HUNK: variants seen among roughly 807,000 people sequenced by gnomAD.
The protein encoded by HUNK is hormonally up-regulated Neu-associated kinase, also known as hormonally up-regulated neu tumor-associated kinase.
In HUNK, 21 loss-of-function variants were observed where a neutral mutation model predicts 61.0. The ratio of observed to expected loss-of-function variants is 0.34; its 90% CI spans 0.24 to 0.50. The LOEUF (loss-of-function observed/expected upper bound fraction) is 0.50, where lower values mean the gene tolerates loss of function less well. Among genes scored for constraint, HUNK ranks in the 20% least tolerant of loss-of-function variants. The pLI is 0.98. For missense variants in HUNK, 772 were observed against 945.7 expected (o/e 0.82, Z 2.41); for synonymous variants, 371 against 386.1 (o/e 0.96, Z 0.46).
At position 31,970,238 on chromosome 21, in the gene HUNK, A is replaced by C. The variant is rs1476217788; in HGVS notation, c.1010+1853A>C. On this transcript the variant is annotated intron_variant, in intron 6 of 10. Transcript: ENST00000270112. ...ATGGCCAGGCAGGGCTCTGCTTGGG[A>C]TGGAAGCTCTAGAAAAACTTTAAAG... 3.9e-5 allele frequency among the ~76,000 whole-genome samples: 6 copies of C among 152,180 alleles called. No homozygotes were observed. The East Asian group carries it at 1.2e-3, about 29-fold the overall frequency.
rs976179636 is a variant in HUNK at position 32,000,882 on chromosome 21, C to G, written c.*1698C>G. 6.3e-5 allele frequency: 25 copies of G among 397,454 alleles called. No individual in the cohort carries two copies. The East Asian group carries it at 8.9e-4, about 14-fold the overall frequency. 24.6% of individuals were successfully genotyped at this position (397,454 alleles called of 1,614,324 possible). On this transcript the variant is annotated 3_prime_UTR_variant, in exon 11 of 11. Coordinates refer to ENST00000270112, the MANE Select transcript of HUNK (RefSeq NM_014586.2). The stretch of plus-strand genomic sequence containing the variant: ...CTGTTTCTTCCCTAGGGGATCACCA[C>G]GGCTCTAGGGCATTCTAGGATGAGG...
intron 4 of HUNK, among the ~76,000 whole-genome samples, chr21:31,948,172 C>G (rs1049578741): frequency 4.6e-5 from 7 of 152,218 alleles, no homozygotes; most frequent in African/African-American, 1.7e-4. Flanking sequence ...CAAGATACAG[C>G]CCCAGCTCTC....
At chr21:31,931,161 T>C (rs1225208064) in intron 2 of HUNK, among the ~76,000 whole-genome samples, 3 of 151,902 alleles carry the variant, frequency 2.0e-5, no homozygotes, top group African/African-American at 7.3e-5. Context: ...TGCTTTATTC[T>C]TAGTTTATTA....
At chr21:31,963,482 ACT>A (rs2052942324) in intron 5 of HUNK, among the ~76,000 whole-genome samples, 1 of 151,946 alleles carries the variant, frequency 6.6e-6, no homozygotes. Flanking sequence ...TAATTGGATG[ACT>A]CTGTCATTCA....
At chr21:31,904,927 ATAG>A (rs937231526) in intron 1 of HUNK, among the ~76,000 whole-genome samples, 1 of 152,124 alleles carries the variant, frequency 6.6e-6, no homozygotes, top group Non-Finnish European at 1.5e-5. Flanking sequence ...TGTACTAAAA[ATAG>A]TAGCCAGCAC....
intron 9 of HUNK, among the ~76,000 whole-genome samples, chr21:31,993,834 C>T (rs1008638708): frequency 3.9e-5 from 6 of 152,144 alleles, no homozygotes; most frequent in African/African-American, 1.4e-4. Flanking sequence ...TCCCAGATAA[C>T]GTCCTGGAGC....
At position 31,975,202 on chromosome 21, in the gene HUNK, G is replaced by A. The variant is rs574107741; in HGVS notation, c.1173+485G>A. 5.7e-4 allele frequency among the ~76,000 whole-genome samples: 86 copies of A among 152,114 alleles called. 1 individual carries two copies. Among genetic ancestry groups the A allele is most frequent in the Admixed American group, 1.4e-3 (22 of 15,264 alleles). ...ATTGGACTTGCCTGGCCTGACTCTGGCACCTTCCCTCAGTCTGAGTGTCAG... is the reference window on the plus strand; with the variant it reads ...ATTGGACTTGCCTGGCCTGACTCTGACACCTTCCCTCAGTCTGAGTGTCAG... On this transcript the variant is annotated intron_variant, in intron 7 of 10. Coordinates refer to ENST00000270112, the MANE Select transcript of HUNK (RefSeq NM_014586.2).
intron 1 of HUNK, among the ~76,000 whole-genome samples, chr21:31,895,108 A>T (rs2052416390): frequency 6.6e-6 from 1 of 152,200 alleles, no homozygotes; most frequent in South Asian, 2.1e-4. Context: ...AGAGAAAGAG[A>T]AGCAAGGTGA....
At chr21:31,992,650 C>T (rs1248516182) in intron 9 of HUNK, among the ~76,000 whole-genome samples, 2 of 152,158 alleles carry the variant, frequency 1.3e-5, no homozygotes, top group Admixed American at 6.5e-5. Flanking sequence ...GCAGCCTTGC[C>T]GTGTGAGGAG....
intron 4 of HUNK, among the ~76,000 whole-genome samples, chr21:31,958,060 A>G (rs974597691): frequency 2.6e-5 from 4 of 152,136 alleles, no homozygotes; most frequent in African/African-American, 7.2e-5. Flanking sequence ...GGAAAACCAC[A>G]TAATGGCAGT....
At chr21:31,877,517 T>C (rs1257355099) in intron 1 of HUNK, among the ~76,000 whole-genome samples, 1 of 152,198 alleles carries the variant, frequency 6.6e-6, no homozygotes, top group Non-Finnish European at 1.5e-5. Flanking sequence ...AAAGATGGCT[T>C]GCGGCTGAGA....
chr21:31,968,419 G>T lies in HUNK; in HGVS notation c.1010+34G>T. 1.9e-6 allele frequency: 3 copies of T among 1,613,124 alleles called. No individual in the cohort carries two copies. In the South Asian group the frequency reaches 3.3e-5, roughly 18 times the overall value. Reference sequence around the variant, plus strand: ...GTGCACCCAGAGGAACTCCTCGGGAGAGACGGGGCCTGTCCTACTAGCCCT... The same window carrying T: ...GTGCACCCAGAGGAACTCCTCGGGATAGACGGGGCCTGTCCTACTAGCCCT... On this transcript the variant is annotated intron_variant, in intron 6 of 10. Transcript: ENST00000270112.
chr21:31,938,256 C>T (rs1022964835), intron 2 of HUNK, among the ~76,000 whole-genome samples: 2 of 152,194 alleles, frequency 1.3e-5, no homozygotes, highest in African/African-American at 4.8e-5. Context: ...CCTGTTGGGT[C>T]TTTCCCCCGC....
At chr21:31,990,061 G>A in intron 8 of HUNK, 68 bp from the exon 9 acceptor site, 2 of 1,383,968 alleles carry the variant, frequency 1.4e-6, no homozygotes, top group African/African-American at 1.4e-5. Flanking sequence ...AGGGCCGTAG[G>A]GGAAGCATTT....
At chr21:31,991,912 G>A (rs954445571) in intron 9 of HUNK, among the ~76,000 whole-genome samples, 6 of 152,230 alleles carry the variant, frequency 3.9e-5, no homozygotes, top group Admixed American at 3.9e-4. Context: ...TGCTGTTCAG[G>A]CGATAAAGCA....
intron 1 of HUNK, among the ~76,000 whole-genome samples, chr21:31,905,314 C>T (rs1255810983): frequency 6.6e-6 from 1 of 152,184 alleles, no homozygotes; most frequent in African/African-American, 2.4e-5. Flanking sequence ...CGTAACCAGT[C>T]CTGCTCACAC....
chr21:31,947,965 C>T (rs974564193), intron 4 of HUNK, among the ~76,000 whole-genome samples: 11 of 152,208 alleles, frequency 7.2e-5, no homozygotes, highest in Non-Finnish European at 1.6e-4. Context: ...GAAAAGCTAA[C>T]GCTTACTTAG....
At chr21:31,932,610 CGG>C (rs2052705965) in intron 2 of HUNK, among the ~76,000 whole-genome samples, 1 of 152,076 alleles carries the variant, frequency 6.6e-6, no homozygotes, top group Non-Finnish European at 1.5e-5. Flanking sequence ...AGGTCCTTTC[CGG>C]ATCTCTGTAA....
In HUNK at chr21:31,921,041, A is replaced by C. The variant is rs375447575; in HGVS notation, c.262-3427A>C. On this transcript the variant is annotated intron_variant, in intron 1 of 10. Transcript: ENST00000270112. Reference sequence around the variant, plus strand: ...GTGGCGGGTGCCTGTAATCCCAGCTACTCAGGAGGCTGAGGCAGGAGAATT... The same window carrying C: ...GTGGCGGGTGCCTGTAATCCCAGCTCCTCAGGAGGCTGAGGCAGGAGAATT... Among the ~76,000 whole-genome samples, 120 of 151,340 alleles carry C rather than the reference A, an allele frequency of 7.9e-4. 2 individuals carry two copies. In the East Asian group the frequency reaches 0.019, roughly 24 times the overall value.
Sources: allele counts gnomAD v4.1 joint callset (sites outside exome capture counted in the v4.1 genomes callset), GRCh38; gene constraint gnomAD v4.1.1; transcripts MANE v1.5; gene names NCBI Gene and HGNC (gene_info 2026-07-23, HGNC 2026-07-21).